CYB5A: variants seen among roughly 807,000 people sequenced by gnomAD.
CYB5A encodes cytochrome b5 type A.
Under a neutral mutation model 16.2 loss-of-function variants are expected in CYB5A, and 10 were observed. That is an observed-to-expected ratio of 0.62 (90% CI 0.38 to 1.04). CYB5A has a LOEUF of 1.04. CYB5A is among the 50% of genes least tolerant of loss of function. The pLI is 0.01. For missense variants in CYB5A, 161 were observed against 165.9 expected (o/e 0.97, Z 0.16); for synonymous variants, 62 against 57.0 (o/e 1.09, Z -0.40).
At chr18:74,264,489 G>GTA (rs1173552796) in intron 1 of CYB5A, among the ~76,000 whole-genome samples, 1 of 15,712 alleles carries the variant, frequency 6.4e-5, no homozygotes, top group East Asian at 0.025. Context: ...TTCACAAGAG[G>GTA]CACGTGTGTC....
chr18:74,258,610 G>C (rs1433096715), intron 3 of CYB5A: 1 of 152,102 alleles, frequency 6.6e-6, no homozygotes, highest in Non-Finnish European at 1.5e-5. Flanking sequence ...CATGACAAAA[G>C]AAATCCCTAA....
At chr18:74,253,709 G>T in intron 4 of CYB5A, 44 bp from the exon 5 acceptor site, 4 of 1,314,546 alleles carry the variant, frequency 3.0e-6, no homozygotes, top group Non-Finnish European at 4.4e-6. Context: ...GATGTGCACT[G>T]TGGTGGACTC....
At chr18:74,258,533 C>T (rs1183762171) in intron 3 of CYB5A, 4 of 152,156 alleles carry the variant, frequency 2.6e-5, no homozygotes, top group Non-Finnish European at 5.9e-5. Context: ...AAGCAGGCAA[C>T]ATCTCAAAAC....
At chr18:74,283,444 C>T (rs543100327) in intron 1 of CYB5A, among the ~76,000 whole-genome samples, 2 of 152,288 alleles carry the variant, frequency 1.3e-5, no homozygotes, top group South Asian at 2.1e-4. Flanking sequence ...GACTCCACCC[C>T]GACTCCCTCT....
chr18:74,261,636 A>G (rs1790821), intron 2 of CYB5A: 35,150 of 152,658 alleles, frequency 0.23, 4,370 homozygotes, highest in South Asian at 0.3. Flanking sequence ...CTCAAAGTAC[A>G]TATCTCCTAC....
At chr18:74,267,448 A>G (rs957301299) in intron 1 of CYB5A, among the ~76,000 whole-genome samples, 45 of 152,240 alleles carry the variant, frequency 3.0e-4, no homozygotes, top group African/African-American at 1.0e-3. Context: ...TGAGCCACAC[A>G]TTTGGAGACT....
intron 3 of CYB5A, chr18:74,256,049 A>G (rs1026769293): frequency 2.4e-6 from 1 of 412,132 alleles, no homozygotes; most frequent in Non-Finnish European, 4.4e-6. Flanking sequence ...TATCTTGCAC[A>G]CGCTAGGCAT....
intron 1 of CYB5A, among the ~76,000 whole-genome samples, chr18:74,283,658 G>A (rs894551794): frequency 2.0e-5 from 3 of 152,190 alleles, no homozygotes; most frequent in Non-Finnish European, 4.4e-5. Flanking sequence ...AGTGATCAAG[G>A]TCTCCAGCAA....
chr18:74,265,957 G>A (rs1034351156), intron 1 of CYB5A, among the ~76,000 whole-genome samples: 15 of 152,204 alleles, frequency 9.9e-5, no homozygotes, highest in Admixed American at 5.9e-4. Flanking sequence ...GAGGGAACAG[G>A]TGCAAACCAT....
At position 74,263,858 on chromosome 18, in the gene CYB5A, G is replaced by T. The variant is rs545124767; in HGVS notation, c.130-381C>A. On this transcript the variant is annotated intron_variant, in intron 1 of 4. Coordinates refer to ENST00000340533, the MANE Select transcript of CYB5A (RefSeq NM_148923.4). ...GCTCAAGGGGCTGAGGCTTCAGTGA[G>T]CAGTGACTGCACCACTGCACTCCAG... 7.2e-5 allele frequency among the ~76,000 whole-genome samples: 11 copies of T among 152,274 alleles called. No individual in the cohort carries two copies. In the South Asian group the frequency reaches 2.3e-3, roughly 32 times the overall value.
chr18:74,260,679 T>C (rs1029725349), intron 3 of CYB5A: 6 of 595,484 alleles, frequency 1.0e-5, no homozygotes, highest in African/African-American at 9.2e-5. Flanking sequence ...ATAATTATGA[T>C]GAAAAAAGTA....
intron 1 of CYB5A, among the ~76,000 whole-genome samples, chr18:74,272,541 A>G (rs995399729): frequency 3.3e-5 from 5 of 152,226 alleles, no homozygotes; most frequent in African/African-American, 1.2e-4. Flanking sequence ...GGTAAAGTGA[A>G]GAAGTTCCTG....
intron 3 of CYB5A, chr18:74,256,839 C>G (rs189941855): frequency 3.7e-6 from 6 of 1,613,956 alleles, no homozygotes; most frequent in Admixed American, 1.7e-5. Flanking sequence ...CCTTGAAACA[C>G]CGCCTTTAAG....
chr18:74,285,887 C>A (rs1983301318), intron 1 of CYB5A, among the ~76,000 whole-genome samples: 1 of 151,010 alleles, frequency 6.6e-6, no homozygotes, highest in Non-Finnish European at 1.5e-5. Flanking sequence ...CATCCTTTCA[C>A]CCAAGAATCC....
intron 1 of CYB5A, among the ~76,000 whole-genome samples, chr18:74,269,030 A>G (rs1982561191): frequency 2.0e-5 from 3 of 152,202 alleles, no homozygotes; most frequent in Non-Finnish European, 4.4e-5. Context: ...AAGGTTAGCT[A>G]TGGGAAAATA....
Position 74,263,396 on chromosome 18 carries a change from C to G in CYB5A, c.211G>C (p.Asp71His). The G allele has an allele frequency of 6.2e-7, 1 of 1,614,132 alleles. No homozygotes were observed. ...ENFEDVGHSTDAREMSKTFII... is the reference protein window; with the variant it reads ...ENFEDVGHSTHAREMSKTFII... ...AATGTTTTGGACATTTCCCTGGCAT[C>G]TGTAGAGTGCCCGACATCCTCAAAG... Residue 71 changes from aspartate (D) to histidine (H), a missense_variant, in exon 2 of 5, where the codon GAT becomes CAT. Transcript: ENST00000340533.
At chr18:74,288,567 G>C (rs1015451490) in intron 1 of CYB5A, among the ~76,000 whole-genome samples, 1 of 152,240 alleles carries the variant, frequency 6.6e-6, no homozygotes, top group Non-Finnish European at 1.5e-5. Context: ...AAGCGGGGAA[G>C]AGAGACAGAG....
At chr18:74,275,894 C>T (rs1469000635) in intron 1 of CYB5A, among the ~76,000 whole-genome samples, 2 of 152,170 alleles carry the variant, frequency 1.3e-5, no homozygotes, top group African/African-American at 4.8e-5. Context: ...GCCGTCGCCA[C>T]ACAGTAGGGT....
chr18:74,269,576 A>G (rs916390191), intron 1 of CYB5A, among the ~76,000 whole-genome samples: 3 of 152,174 alleles, frequency 2.0e-5, no homozygotes, highest in Non-Finnish European at 2.9e-5. Flanking sequence ...ACCAAATGGC[A>G]TGTCTCACTT....
Sources: gnomAD v4.1 joint callset for allele counts (sites outside exome capture counted in the v4.1 genomes callset) on GRCh38, gnomAD v4.1.1 for gene constraint, MANE v1.5 for transcripts, NCBI Gene and HGNC (gene_info 2026-07-23, HGNC 2026-07-21) for gene names.